Variants in NELL2 observed in about 807,000 individuals in gnomAD.
NELL2 encodes the protein protein kinase C-binding protein NELL2.
In NELL2, 41 loss-of-function variants were observed where a neutral mutation model predicts 109.6. That is an observed-to-expected ratio of 0.37 (90% CI 0.29 to 0.49). NELL2 has a LOEUF of 0.49. NELL2 is among the 20% of genes least tolerant of loss of function. NELL2 has a pLI of 0.98. For missense variants in NELL2, 900 were observed against 1,008.3 expected (o/e 0.89, Z 1.45); for synonymous variants, 355 against 344.7 (o/e 1.03, Z -0.33).
intron 9 of NELL2, among the ~76,000 whole-genome samples, chr12:44,739,103 T>C (rs527550988): frequency 1.3e-3 from 191 of 152,314 alleles, no homozygotes; most frequent in African/African-American, 4.3e-3. Context: ...ATGTTACTTT[T>C]TTAGACAAAG....
intron 1 of NELL2, among the ~76,000 whole-genome samples, chr12:44,886,770 A>G (rs1945478125): frequency 6.6e-6 from 1 of 151,932 alleles, no homozygotes; most frequent in Non-Finnish European, 1.5e-5. Context: ...CTTGTGTCCA[A>G]TCATATATTT....
intron 9 of NELL2, among the ~76,000 whole-genome samples, chr12:44,716,114 T>C (rs1360283459): frequency 6.6e-6 from 1 of 152,120 alleles, no homozygotes; most frequent in Non-Finnish European, 1.5e-5. Flanking sequence ...CTCTTAATAA[T>C]ATCAATATAT....
intron 15 of NELL2, among the ~76,000 whole-genome samples, chr12:44,544,079 T>C (rs1942692521): frequency 6.6e-6 from 1 of 152,072 alleles, no homozygotes; most frequent in African/African-American, 2.4e-5. Context: ...AACCAACATC[T>C]TTACATTTCA....
chr12:44,840,412 A>G (rs748944403), intron 2 of NELL2, among the ~76,000 whole-genome samples: 15 of 152,210 alleles, frequency 9.9e-5, no homozygotes, highest in Non-Finnish European at 2.1e-4. Context: ...TACAAAATGC[A>G]TATGTGTTGC....
At chr12:44,622,914 A>G (rs1037707609) in intron 13 of NELL2, among the ~76,000 whole-genome samples, 2 of 152,124 alleles carry the variant, frequency 1.3e-5, no homozygotes, top group Non-Finnish European at 2.9e-5. Flanking sequence ...GATTACATAC[A>G]TTGTTCTTGA....
At chr12:44,556,842 T>C (rs1387295156) in intron 15 of NELL2, among the ~76,000 whole-genome samples, 1 of 152,136 alleles carries the variant, frequency 6.6e-6, no homozygotes, top group African/African-American at 2.4e-5. Context: ...TGCATGGACA[T>C]GGGATGACGA....
Position 44,844,144 on chromosome 12 carries a change from A to G in NELL2, c.185-28008T>C, listed in dbSNP as rs561509885. On this transcript the variant is annotated intron_variant, in intron 2 of 19. Coordinates refer to ENST00000429094, the MANE Select transcript of NELL2 (RefSeq NM_001145108.2). ...TAGAATGCTGCATGAAGCCTATTTT[A>G]TAAGAGTCTTAATCCCATTCACAAG... Among the ~76,000 whole-genome samples the G allele has an allele frequency of 3.3e-5, 5 of 152,340 alleles. No individual in the cohort carries two copies. The South Asian group carries it at 8.3e-4, about 25-fold the overall frequency.
intron 9 of NELL2, among the ~76,000 whole-genome samples, chr12:44,718,093 A>C (rs1027095176): frequency 6.6e-6 from 1 of 152,248 alleles, no homozygotes; most frequent in Admixed American, 6.5e-5. Context: ...TGATATTTTT[A>C]AAATGTTGTC....
intron 2 of NELL2, chr12:44,851,762 A>G (rs967269168): frequency 6.6e-6 from 1 of 152,162 alleles, no homozygotes; most frequent in African/African-American, 2.4e-5. Context: ...GAAATGGCCT[A>G]TTTCAGTTTC....
At chr12:44,521,809 T>G (rs1422511981) in intron 18 of NELL2, among the ~76,000 whole-genome samples, 191 bp downstream of exon 18, 1 of 151,900 alleles carries the variant, frequency 6.6e-6, no homozygotes, top group Non-Finnish European at 1.5e-5. Flanking sequence ...TTGTACCACA[T>G]CTACCTCAGA....
chr12:44,812,610 T>C lies in NELL2; in HGVS notation c.335+3376A>G, dbSNP rs1282598496. Among the ~76,000 whole-genome samples the C allele has an allele frequency of 3.3e-5, 5 of 152,044 alleles. No individual in the cohort carries two copies. The South Asian group carries it at 1.0e-3, about 32-fold the overall frequency. On this transcript the variant is annotated intron_variant, in intron 3 of 19. Transcript: ENST00000429094. ...AATGAAATAAGTGTTTAGGCAATGA[T>C]GAAACTAAATAGATGAGTGAGGAAA...
intron 3 of NELL2, among the ~76,000 whole-genome samples, chr12:44,812,777 T>G (rs1269405544): frequency 1.3e-5 from 2 of 152,076 alleles, no homozygotes; most frequent in African/African-American, 4.8e-5. Context: ...AAAGTGGGTT[T>G]GGGTTCTGGC....
At chr12:44,554,502 C>T (rs971130562) in intron 15 of NELL2, among the ~76,000 whole-genome samples, 3 of 151,918 alleles carry the variant, frequency 2.0e-5, no homozygotes, top group Non-Finnish European at 4.4e-5. Flanking sequence ...AAAATTTTGG[C>T]GATAATGGAT....
At chr12:44,812,637 GC>G (rs1943215397) in intron 3 of NELL2, among the ~76,000 whole-genome samples, 1 of 152,100 alleles carries the variant, frequency 6.6e-6, no homozygotes, top group South Asian at 2.1e-4. Context: ...GTGAGGAAAA[GC>G]AAGATAACTA....
intron 3 of NELL2, among the ~76,000 whole-genome samples, chr12:44,791,322 C>G (rs557876599): frequency 6.9e-6 from 1 of 145,442 alleles, no homozygotes; most frequent in South Asian, 2.2e-4. Flanking sequence ...TGAAGTAACT[C>G]AGGAATGGAA....
intron 9 of NELL2, among the ~76,000 whole-genome samples, chr12:44,728,886 C>T (rs1939217079): frequency 6.6e-6 from 1 of 151,930 alleles, no homozygotes; most frequent in Non-Finnish European, 1.5e-5. Flanking sequence ...GCCAAACTGT[C>T]CTTCAAAAAT....
At chr12:44,629,055 A>G (rs1946363001) in intron 13 of NELL2, among the ~76,000 whole-genome samples, 1 of 152,188 alleles carries the variant, frequency 6.6e-6, no homozygotes, top group Non-Finnish European at 1.5e-5. Context: ...TATTATGTAA[A>G]GTGTATCTAA....
At chr12:44,734,070 G>A (rs1374933982) in intron 9 of NELL2, among the ~76,000 whole-genome samples, 2 of 151,968 alleles carry the variant, frequency 1.3e-5, no homozygotes, top group African/African-American at 4.8e-5. Flanking sequence ...ATTATTTTGT[G>A]TGCTCATAGT....
At chr12:44,530,229 A>G (rs1941979337) in intron 16 of NELL2, among the ~76,000 whole-genome samples, 1 of 152,318 alleles carries the variant, frequency 6.6e-6, no homozygotes, top group South Asian at 2.1e-4. Context: ...GTCGTGGTGG[A>G]AAGTGAGGCA....
Sources: allele counts gnomAD v4.1 joint callset (sites outside exome capture counted in the v4.1 genomes callset), GRCh38; gene constraint gnomAD v4.1.1; transcripts MANE v1.5; gene names NCBI Gene and HGNC (gene_info 2026-07-23, HGNC 2026-07-21).